Variants in TG observed in about 807,000 individuals in gnomAD.
TG encodes the protein thyroglobulin, also known as thyroid hormones.
Under a neutral mutation model 324.7 loss-of-function variants are expected in TG, and 270 were observed. The observed-to-expected ratio is 0.83, with a 90% confidence interval of 0.75 to 0.92. The LOEUF is 0.92. Ranked by LOEUF, TG falls within the 40% of genes least tolerant of loss-of-function variation. TG has a pLI of 0.00. For missense variants in TG, 3,591 were observed against 3,456.4 expected (o/e 1.04, Z -0.98); for synonymous variants, 1,401 against 1,327.0 (o/e 1.06, Z -1.21).
At chr8:133,041,274 C>A (rs879306788) in intron 41 of TG, among the ~76,000 whole-genome samples, 4 of 152,204 alleles carry the variant, frequency 2.6e-5, no homozygotes, top group Non-Finnish European at 5.9e-5. Context: ...CACTTCCCAT[C>A]GGGTTTATGG....
rs748654543 is a variant in TG, at chr8:132,906,901, G to A, written c.3847+1G>A. The A allele has an allele frequency of 3.1e-6, 5 of 1,609,632 alleles. No individual in the cohort carries two copies. Among genetic ancestry groups the A allele is most frequent in the Non-Finnish European group, 4.2e-6 (5 of 1,178,130 alleles). On this transcript the variant is annotated splice_donor_variant, in intron 17 of 47. Transcript: ENST00000220616. LOFTEE classifies it high-confidence loss of function. ...CTGCCTCAGCCCCGGGCCTGCCAAC[G>A]TGAGTGGCATCAGAGCATCTATCCT...
intron 45 of TG, among the ~76,000 whole-genome samples, chr8:133,120,334 A>G (rs1851041977): frequency 6.6e-6 from 1 of 152,260 alleles, no homozygotes; most frequent in African/African-American, 2.4e-5. Context: ...AAATGAAAGC[A>G]TTCATATCAT....
chr8:133,024,379 TTTCTTTCTTTCTTTTTC>T, intron 40 of TG, among the ~76,000 whole-genome samples: 1 of 107,778 alleles, frequency 9.3e-6, no homozygotes, highest in Non-Finnish European at 2.0e-5. Flanking sequence ...TCTTTCTTTC[TTTCTTTCTTTCTTTTTC>T]TTTTTTTAAT....
chr8:133,080,443 C>T (rs1845574847), intron 41 of TG, among the ~76,000 whole-genome samples: 1 of 152,116 alleles, frequency 6.6e-6, no homozygotes, highest in South Asian at 2.1e-4. Context: ...TTTGCTGTCA[C>T]TATTTCACTA....
At chr8:132,904,717 C>T (rs1818421851) in intron 16 of TG, among the ~76,000 whole-genome samples, 1 of 152,064 alleles carries the variant, frequency 6.6e-6, no homozygotes, top group South Asian at 2.1e-4. Flanking sequence ...CACTCACTGG[C>T]CCACTTCCAA....
intron 43 of TG, chr8:133,102,405 G>T: frequency 1.5e-6 from 1 of 658,140 alleles, no homozygotes; most frequent in Non-Finnish European, 2.7e-6. Flanking sequence ...CTCACCACCA[G>T]CAGAGACCCA....
chr8:132,910,960 A>G (rs548876880), intron 18 of TG, among the ~76,000 whole-genome samples: 6 of 152,310 alleles, frequency 3.9e-5, no homozygotes, highest in Non-Finnish European at 8.8e-5. Flanking sequence ...GGCACAACTC[A>G]GCCACACTTA....
intron 25 of TG, among the ~76,000 whole-genome samples, chr8:132,937,391 C>T (rs1823764066): frequency 6.6e-6 from 1 of 152,226 alleles, no homozygotes; most frequent in African/African-American, 2.4e-5. Context: ...GTATTTTTCC[C>T]TGTGGTCCTT....
intron 45 of TG, among the ~76,000 whole-genome samples, chr8:133,119,320 A>C (rs1175059698): frequency 6.6e-6 from 1 of 152,188 alleles, no homozygotes; most frequent in African/African-American, 2.4e-5. Flanking sequence ...TGAGCTCTGC[A>C]GGGTTGAAAT....
chr8:133,060,371 C>G, intron 41 of TG: 3 of 1,530,184 alleles, frequency 2.0e-6, no homozygotes, highest in Non-Finnish European at 2.6e-6. Flanking sequence ...TTTTGCGCAG[C>G]TCAAGTTCTT....
intron 2 of TG, among the ~76,000 whole-genome samples, chr8:132,869,463 G>A (rs1232951003): frequency 6.6e-6 from 1 of 152,210 alleles, no homozygotes; most frequent in African/African-American, 2.4e-5. Context: ...GCACTCCAGG[G>A]TGGGTCACTT....
At chr8:132,983,162 C>T (rs963932943) in intron 34 of TG, among the ~76,000 whole-genome samples, 188 bp from the exon 35 acceptor site, 1 of 152,126 alleles carries the variant, frequency 6.6e-6, no homozygotes, top group African/African-American at 2.4e-5. Flanking sequence ...TTCTAAGCCA[C>T]TTATATGTTG....
At chr8:133,086,605 T>C (rs757380816) in intron 41 of TG, among the ~76,000 whole-genome samples, 3 of 152,242 alleles carry the variant, frequency 2.0e-5, no homozygotes, top group Admixed American at 6.5e-5. Flanking sequence ...GAAATCATCA[T>C]GGATATGTGA....
At chr8:133,065,887 T>C (rs1842963710) in intron 41 of TG, among the ~76,000 whole-genome samples, 1 of 152,130 alleles carries the variant, frequency 6.6e-6, no homozygotes, top group South Asian at 2.1e-4. Flanking sequence ...GAGGGATCTC[T>C]TGGATGTCAC....
At chr8:132,899,140 C>T in intron 14 of TG, 1 of 569,220 alleles carries the variant, frequency 1.8e-6, no homozygotes, top group Non-Finnish European at 3.1e-6. Flanking sequence ...ACATTTTGTC[C>T]TAGCTAATGC....
chr8:133,012,135 AC>A, intron 36 of TG, 100 bp downstream of exon 36: 1 of 1,537,372 alleles, frequency 6.5e-7, no homozygotes, highest in South Asian at 1.1e-5. Flanking sequence ...CACTACGATA[AC>A]CTAGGATGCT....
At chr8:132,948,712 A>C in intron 26 of TG, 64 bp from the exon 27 acceptor site, 1 of 1,555,142 alleles carries the variant, frequency 6.4e-7, no homozygotes, top group Non-Finnish European at 8.9e-7. Context: ...CTCAGGGGAC[A>C]GAGAAGAGTC....
chr8:133,108,773 C>A (rs1262446902), intron 43 of TG, among the ~76,000 whole-genome samples: 1 of 152,238 alleles, frequency 6.6e-6, no homozygotes, highest in South Asian at 2.1e-4. Flanking sequence ...ATACTGAGCA[C>A]TGGGGCTATG....
intron 16 of TG, among the ~76,000 whole-genome samples, chr8:132,906,290 T>G (rs1439280922): frequency 6.6e-6 from 1 of 152,004 alleles, no homozygotes; most frequent in Non-Finnish European, 1.5e-5. Context: ...GCTGGGTGGC[T>G]GGTGGTACTG....
Sources: gnomAD v4.1 joint callset for allele counts (sites outside exome capture counted in the v4.1 genomes callset) on GRCh38, gnomAD v4.1.1 for gene constraint, MANE v1.5 for transcripts, NCBI Gene and HGNC (gene_info 2026-07-23, HGNC 2026-07-21) for gene names.